The following ETV5 variants were observed in gnomAD, a reference collection of about 807,000 sequenced individuals.
ETV5 encodes the protein ETS variant transcription factor 5, also known as ETS translocation variant 5.
A neutral mutation model predicts 70.0 loss-of-function variants in ETV5; 10 were observed. That is an observed-to-expected ratio of 0.14 (90% CI 0.09 to 0.24). The LOEUF (loss-of-function observed/expected upper bound fraction) is 0.24, where lower values mean the gene tolerates loss of function less well. Among genes scored for constraint, ETV5 ranks in the 10% least tolerant of loss-of-function variants. ETV5 has a pLI of 1.00. For synonymous variants in ETV5, 216 were observed against 242.2 expected (o/e 0.89, Z 1.01); for missense variants, 453 against 651.2 (o/e 0.70, Z 3.31).
At chr3:186,073,406 T>A (rs1371590780) in intron 7 of ETV5, among the ~76,000 whole-genome samples, 1 of 152,196 alleles carries the variant, frequency 6.6e-6, no homozygotes, top group Non-Finnish European at 1.5e-5. Context: ...GTATCTATTA[T>A]CCTATTTTCA....
chr3:186,106,834 A>T (rs1241342967), intron 1 of ETV5: 1 of 495,704 alleles, frequency 2.0e-6, no homozygotes, highest in East Asian at 1.5e-4. Flanking sequence ...TCCTAACGTG[A>T]GTGGAATAAA....
At chr3:186,084,121 C>T (rs1713996755) in intron 5 of ETV5, 3 of 409,314 alleles carry the variant, frequency 7.3e-6, no homozygotes, top group Non-Finnish European at 1.4e-5. Context: ...GCAGATGGTG[C>T]TATGATGTTG....
intron 5 of ETV5, among the ~76,000 whole-genome samples, chr3:186,086,189 A>C (rs1219617726): frequency 6.6e-6 from 1 of 152,250 alleles, no homozygotes; most frequent in Non-Finnish European, 1.5e-5. Context: ...AAGGGCAGTT[A>C]GCTGATAAGA....
Position 186,057,511 on chromosome 3 carries a change from A to T in ETV5, c.971-20T>A. ...AAAAACCTGAAAGAGAATTTAAAAG[A>T]AAGACTACGTTGCTTAACAAATTCT... is the stretch of plus-strand genomic sequence containing the variant. On this transcript the variant is annotated intron_variant, in intron 9 of 12. Coordinates refer to ENST00000306376, the MANE Select transcript of ETV5 (RefSeq NM_004454.3). This position sits in a 1 kb window ranked among gnomAD's most constrained non-coding sequence, Gnocchi z 4.9. 2 of 1,593,648 alleles carry T rather than the reference A, an allele frequency of 1.3e-6. No homozygotes were observed. Among genetic ancestry groups the T allele is most frequent in the South Asian group, 2.2e-5 (2 of 90,630 alleles).
chr3:186,048,657 G>C lies in ETV5; in HGVS notation c.1515C>G (p.Ala505=). The change falls in exon 13 of 13, where the codon GCC becomes GCG. Residue 505 remains alanine, a synonymous_variant. Transcript: ENST00000306376. ...CAGAAACTTAGTAAGCAAAGCCTTC[G>C]GCATAGGGGAGGCTGCTGCAGCGGT... The part of the protein sequence containing the change: ...DMDRCSSLPY[A]EGFAY The C allele has an allele frequency of 6.2e-7, 1 of 1,614,118 alleles. No homozygotes were observed. Among genetic ancestry groups the C allele is most frequent in the Non-Finnish European group, 8.5e-7 (1 of 1,179,986 alleles).
intron 11 of ETV5, among the ~76,000 whole-genome samples, chr3:186,055,084 G>C (rs1341579144): frequency 6.6e-6 from 1 of 152,152 alleles, no homozygotes; most frequent in Non-Finnish European, 1.5e-5. Flanking sequence ...AGAAAGCAGG[G>C]GCCCTTTGCC....
Position 186,080,063 on chromosome 3 carries a change from G to A in ETV5, c.404C>T (p.Thr135Ile). The A allele has an allele frequency of 6.6e-7, 1 of 1,519,792 alleles. No individual in the cohort carries two copies. The highest frequency in any genetic ancestry group is 8.7e-7 in the Non-Finnish European group (1 of 1,143,000). The allele number at this position is 1,519,792 out of a possible 1,614,324, so 94.1% of individuals were successfully genotyped here. Residue 135 changes from threonine to isoleucine, a missense_variant, in exon 7 of 13, where the codon ACC becomes ATC. Transcript: ENST00000306376. Reference sequence around the variant, plus strand: ...GGGTGAGAGGGGGGTTGTAGGAGGGGTTAATGGCTTGAACCCAGAGGGAGG... The same window carrying A: ...GGGTGAGAGGGGGGTTGTAGGAGGGATTAATGGCTTGAACCCAGAGGGAGG... ...RKPPSGFKPL[T>I]PPTTPLSPTH...
intron 9 of ETV5, among the ~76,000 whole-genome samples, chr3:186,058,488 C>T (rs541671625): frequency 1.1e-4 from 17 of 152,334 alleles, no homozygotes; most frequent in Admixed American, 4.6e-4. Flanking sequence ...CTGGCTCATA[C>T]TACAGGTCTG....
At chr3:186,098,328 C>A (rs1714362738) in intron 5 of ETV5, among the ~76,000 whole-genome samples, 1 of 152,160 alleles carries the variant, frequency 6.6e-6, no homozygotes, top group Non-Finnish European at 1.5e-5. Flanking sequence ...TGCATTAGGG[C>A]ACAACTCTCT....
intron 11 of ETV5, among the ~76,000 whole-genome samples, chr3:186,053,857 C>G (rs952729920): frequency 4.6e-5 from 7 of 152,056 alleles, no homozygotes; most frequent in Non-Finnish European, 8.8e-5. Flanking sequence ...ATCATTGTAC[C>G]CTGTTCAAAG....
intron 5 of ETV5, among the ~76,000 whole-genome samples, chr3:186,083,838 C>G (rs534378461): frequency 3.4e-5 from 4 of 117,704 alleles, no homozygotes; most frequent in South Asian, 2.7e-4. Flanking sequence ...ATGGCAGGAA[C>G]AAGAATGGAA....
rs1713105644 is a variant in ETV5 at position 186,054,333 on chromosome 3, C to T, written c.1210-2202G>A. Among the ~76,000 whole-genome samples, 1 of 152,154 alleles carries T rather than the reference C, an allele frequency of 6.6e-6. No homozygotes were observed. The highest frequency in any genetic ancestry group is 6.6e-5 in the Admixed American group (1 of 15,264). ...GAGGCTGAAGGAGTTAACGGATCTA[C>T]CTATTCCTTCTCCCCTTTAAAGAGA... On this transcript the variant is annotated intron_variant, in intron 11 of 12. Coordinates refer to ENST00000306376, the MANE Select transcript of ETV5 (RefSeq NM_004454.3). This position sits in a 1 kb window ranked among gnomAD's most constrained non-coding sequence, Gnocchi z 4.4.
At chr3:186,087,166 G>A (rs1420680280) in intron 5 of ETV5, among the ~76,000 whole-genome samples, 2 of 152,132 alleles carry the variant, frequency 1.3e-5, no homozygotes, top group African/African-American at 4.8e-5. Flanking sequence ...TACACAGAAG[G>A]GAGAATGAAG....
chr3:186,102,526 G>A (rs183906553), intron 5 of ETV5, among the ~76,000 whole-genome samples: 124 of 151,764 alleles, frequency 8.2e-4, no homozygotes, highest in Admixed American at 2.4e-3. Context: ...CCAGCTACTC[G>A]GGAGGCTTAG....
In ETV5 at chr3:186,052,360, C is replaced by CT. The variant is rs1311834234; in HGVS notation, c.1210-230dup. 6.6e-6 allele frequency among the ~76,000 whole-genome samples: 1 copy of CT among 152,180 alleles called. No individual in the cohort carries two copies. The highest frequency in any genetic ancestry group is 1.5e-5 in the Non-Finnish European group (1 of 68,036). On this transcript the variant is annotated intron_variant, in intron 11 of 12. Transcript: ENST00000306376. This position sits in a 1 kb window ranked among gnomAD's most constrained non-coding sequence, Gnocchi z 4.5. ...ACCTAGAGATGGAAGAATCCTAGCA[C>CT]TTTAAGATTGCAGAGGGCTTGGCTA...
chr3:186,064,661 C>G, intron 8 of ETV5, 185 bp from the exon 9 acceptor site: 1 of 582,932 alleles, frequency 1.7e-6, no homozygotes, highest in Admixed American at 2.9e-5. Context: ...CATAACCCAC[C>G]AGCTGAAAGG....
chr3:186,081,305 A>G, intron 5 of ETV5, 130 bp from the exon 6 acceptor site: 2 of 898,116 alleles, frequency 2.2e-6, no homozygotes, highest in Non-Finnish European at 1.6e-6. Flanking sequence ...CACATGTCAG[A>G]AAAAGCAAAA....
Position 186,081,079 on chromosome 3 carries a change from G to A in ETV5, c.329C>T (p.Ala110Val). Reference sequence around the variant, plus strand: ...GTAGAGGCACTTTTCTCCATAGTTAGCACCAAGAGCCTGCTCATGGCTACA... The same window carrying A: ...GTAGAGGCACTTTTCTCCATAGTTAACACCAAGAGCCTGCTCATGGCTACA... ...SSCSHEQALGANYGEKCLYNY... is the reference protein window; with the variant it reads ...SSCSHEQALGVNYGEKCLYNY... The change falls in exon 6 of 13, where the codon GCT (alanine) becomes GTT (valine). Residue 110 changes from alanine (A) to valine (V), a missense_variant. Physicochemically the swap from Ala to Val is moderately conservative, Grantham distance 64. Transcript: ENST00000306376. 1 of 1,613,426 alleles carries A rather than the reference G, an allele frequency of 6.2e-7. No homozygotes were observed. Among genetic ancestry groups the A allele is most frequent in the Non-Finnish European group, 8.5e-7 (1 of 1,179,602 alleles).
At chr3:186,071,696 T>C (rs1713641074) in intron 7 of ETV5, among the ~76,000 whole-genome samples, 1 of 152,160 alleles carries the variant, frequency 6.6e-6, no homozygotes, top group East Asian at 1.9e-4. Context: ...GGCTCAGGCC[T>C]GTAATCCCCA....
Sources: allele counts gnomAD v4.1 joint callset (sites outside exome capture counted in the v4.1 genomes callset), GRCh38; gene constraint gnomAD v4.1.1; non-coding constraint Gnocchi (gnomAD v3.1); transcripts MANE v1.5; gene names NCBI Gene and HGNC (gene_info 2026-07-23, HGNC 2026-07-21).